ADGRG6: variants seen among roughly 807,000 people sequenced by gnomAD.
The protein encoded by ADGRG6 is G-protein coupled receptor 126.
ADGRG6 carries 84 observed loss-of-function variants against 142.4 expected under a neutral mutation model. That is an observed-to-expected ratio of 0.59 (90% CI 0.49 to 0.71). ADGRG6 has a LOEUF of 0.71. Among genes scored for constraint, ADGRG6 ranks in the 30% least tolerant of loss-of-function variants. The pLI, the probability that ADGRG6 is intolerant of heterozygous loss-of-function variation, is 0.00. For synonymous variants in ADGRG6, 521 were observed against 520.5 expected (o/e 1.00, Z -0.01); for missense variants, 1,367 against 1,466.6 (o/e 0.93, Z 1.11).
At chr6:142,341,504 T>C (rs1449466336) in intron 2 of ADGRG6, among the ~76,000 whole-genome samples, 1 of 118,146 alleles carries the variant, frequency 8.5e-6, no homozygotes, top group Non-Finnish European at 1.7e-5. Context: ...TATTATATAG[T>C]ATATATACTA....
At position 142,437,519 on chromosome 6, in the gene ADGRG6, GT is replaced by G; in HGVS notation, c.3407del (p.Leu1136Ter). 1 of 1,508,588 alleles carries G rather than the reference GT, an allele frequency of 6.6e-7. No homozygotes were observed. The highest frequency in any genetic ancestry group is 2.3e-5 in the East Asian group (1 of 44,358). The allele number at this position is 1,508,588 out of a possible 1,614,324, so 93.5% of individuals were successfully genotyped here. A position where few individuals can be genotyped will look rare whatever the true frequency, so the allele number is the denominator to read the frequency against. ...AGCATCTCTGCTGTGGTAGATTTCG[GT>G]TAGCAGATAACTCAGGTAAAGAGTT... Reference protein sequence around the residue: ...RQHLCCGRFRLADNSDWSKTA... With the variant: ...RQHLCCGRFRXADNSDWSKTA... On this transcript the variant is annotated frameshift_variant, in exon 23 of 25. Coordinates refer to ENST00000367609, the MANE Select transcript of ADGRG6 (RefSeq NM_198569.3). LOFTEE classifies it high-confidence loss of function.
intron 1 of ADGRG6, 31 bp downstream of exon 1, chr6:142,302,362 T>G (rs1271029427): frequency 6.2e-7 from 1 of 1,611,214 alleles, no homozygotes; most frequent in Non-Finnish European, 8.5e-7. Context: ...TGGAATTCCT[T>G]CACTCTTTTA....
intron 2 of ADGRG6, among the ~76,000 whole-genome samples, chr6:142,330,379 G>A (rs918215929): frequency 5.3e-5 from 8 of 152,108 alleles, no homozygotes; most frequent in East Asian, 1.9e-4. Context: ...AAAAAAATTC[G>A]GTGGTGAAAA....
chr6:142,422,177 A>G (rs954830921), intron 22 of ADGRG6, among the ~76,000 whole-genome samples: 1 of 148,708 alleles, frequency 6.7e-6, no homozygotes, highest in Non-Finnish European at 1.5e-5. Flanking sequence ...TTTTTTTTTT[A>G]TTATACTTTA....
Position 142,438,297 on chromosome 6 carries a change from C to T in ADGRG6, c.3507C>T (p.Asn1169=), listed in dbSNP as rs946723767. 2.5e-6 allele frequency: 4 copies of T among 1,606,886 alleles called. No individual in the cohort carries two copies. The highest frequency in any genetic ancestry group is 3.4e-6 in the Non-Finnish European group (4 of 1,175,248). Residue 1169 remains asparagine, a synonymous_variant, in exon 24 of 25, where the codon AAC becomes AAT. Coordinates refer to ENST00000367609, the MANE Select transcript of ADGRG6 (RefSeq NM_198569.3). ...KSLSSSSIGS[N]STYLTSKSKS... is the part of the protein sequence containing the mutation. ...TGTCTTCAAGCTCCATTGGTTCCAA[C>T]TCAACCTATCTTACATCCAAATCTA...
At chr6:142,341,167 G>A (rs1779599248) in intron 2 of ADGRG6, among the ~76,000 whole-genome samples, 1 of 151,126 alleles carries the variant, frequency 6.6e-6, no homozygotes, top group South Asian at 2.1e-4. Context: ...TCTCTAGGGT[G>A]TGATGGGGAG....
At chr6:142,310,826 A>T (rs1287162209) in intron 2 of ADGRG6, among the ~76,000 whole-genome samples, 1 of 151,876 alleles carries the variant, frequency 6.6e-6, no homozygotes, top group Non-Finnish European at 1.5e-5. Flanking sequence ...TTGTAAACAG[A>T]TTGGAAAATT....
At chr6:142,334,753 T>G (rs1779231036) in intron 2 of ADGRG6, among the ~76,000 whole-genome samples, 1 of 152,174 alleles carries the variant, frequency 6.6e-6, no homozygotes, top group African/African-American at 2.4e-5. Flanking sequence ...GGTTACACCT[T>G]TTTTCTCTTT....
At chr6:142,434,767 G>C (rs1308411578) in intron 22 of ADGRG6, among the ~76,000 whole-genome samples, 1 of 152,092 alleles carries the variant, frequency 6.6e-6, no homozygotes, top group Non-Finnish European at 1.5e-5. Context: ...CACCTATTAA[G>C]TATCAGGGCT....
In ADGRG6 at chr6:142,418,295, T is replaced by TAAAAAAA. The variant is rs541243272; in HGVS notation, c.3035+943_3035+949dup. Among the ~76,000 whole-genome samples, 2 of 79,786 alleles carry TAAAAAAA rather than the reference T, an allele frequency of 2.5e-5. 1 individual carries two copies. Among genetic ancestry groups the TAAAAAAA allele is most frequent in the African/African-American group, 9.1e-5 (2 of 21,858 alleles). 52.3% of individuals were successfully genotyped at this position (79,786 alleles called of 152,430 possible). A position where few individuals can be genotyped will look rare whatever the true frequency, so the allele number is the denominator to read the frequency against. On this transcript the variant is annotated intron_variant, in intron 21 of 24. Transcript: ENST00000367609. ...CTGGGCAACAGAGTGAGACTCCATC[T>TAAAAAAA]AAAAAAAAAAAAAAAAAAAAAAACC...
In ADGRG6 at chr6:142,403,783, T is replaced by C; in HGVS notation, c.1956-19T>C. 1 of 1,513,348 alleles carries C rather than the reference T, an allele frequency of 6.6e-7. No homozygotes were observed. Among genetic ancestry groups the C allele is most frequent in the Non-Finnish European group, 8.9e-7 (1 of 1,119,164 alleles). 93.7% of individuals were successfully genotyped at this position (1,513,348 alleles called of 1,614,324 possible). A position where few individuals can be genotyped will look rare whatever the true frequency, so the allele number is the denominator to read the frequency against. ...AATATCATATTACTTAATAGTGGCA[T>C]TTTTTGTCGTTACTTTAGAGCTTTA... On this transcript the variant is annotated intron_variant, in intron 13 of 24. Transcript: ENST00000367609.
chr6:142,317,792 T>C (rs1778177553), intron 2 of ADGRG6, among the ~76,000 whole-genome samples: 1 of 91,990 alleles, frequency 1.1e-5, no homozygotes. Flanking sequence ...TTATATATAA[T>C]ATATATATTA....
intron 2 of ADGRG6, among the ~76,000 whole-genome samples, chr6:142,363,215 A>G (rs1007727014): frequency 5.3e-5 from 8 of 152,180 alleles, no homozygotes; most frequent in Non-Finnish European, 7.4e-5. Context: ...ATTGATCTCC[A>G]TTTTGATTTA....
intron 2 of ADGRG6, among the ~76,000 whole-genome samples, chr6:142,324,791 G>A (rs935033541): frequency 6.6e-6 from 1 of 151,930 alleles, no homozygotes; most frequent in Admixed American, 6.6e-5. Flanking sequence ...TTATTAATAT[G>A]TTTCTATTTT....
At chr6:142,321,286 T>TACACACACAC (rs10632214) in intron 2 of ADGRG6, among the ~76,000 whole-genome samples, 27,656 of 147,682 alleles carry the variant, frequency 0.19, 2,557 homozygotes, top group South Asian at 0.23. Flanking sequence ...TAAGCATGCA[T>TACACACACAC]ACACACACAC....
At chr6:142,381,832 T>C in intron 4 of ADGRG6, 119 bp from the exon 5 acceptor site, 1 of 544,934 alleles carries the variant, frequency 1.8e-6, no homozygotes, top group Middle Eastern at 3.6e-4. Flanking sequence ...TTTCTTGATA[T>C]CAAAGAATTA....
At chr6:142,395,922 C>A (rs1775164404) in intron 9 of ADGRG6, among the ~76,000 whole-genome samples, 1 of 152,048 alleles carries the variant, frequency 6.6e-6, no homozygotes, top group Non-Finnish European at 1.5e-5. Context: ...CCTAGACAGA[C>A]AGGAAACCAA....
At chr6:142,336,403 T>C (rs1310024604) in intron 2 of ADGRG6, among the ~76,000 whole-genome samples, 1 of 152,214 alleles carries the variant, frequency 6.6e-6, no homozygotes, top group Non-Finnish European at 1.5e-5. Context: ...AGTTTCATCA[T>C]ACATACAGAT....
chr6:142,371,631 G>C (rs1273011928), intron 4 of ADGRG6, among the ~76,000 whole-genome samples: 1 of 151,732 alleles, frequency 6.6e-6, no homozygotes, highest in Non-Finnish European at 1.5e-5. Context: ...GACTACAGGT[G>C]CCCACCACCA....
Sources: gnomAD v4.1 joint callset for allele counts (sites outside exome capture counted in the v4.1 genomes callset) on GRCh38, gnomAD v4.1.1 for gene constraint, MANE v1.5 for transcripts, NCBI Gene and HGNC (gene_info 2026-07-23, HGNC 2026-07-21) for gene names.